The following FMN1 variants were observed in gnomAD, a reference collection of about 807,000 sequenced individuals.
FMN1 encodes formin 1.
A neutral mutation model predicts 132.4 loss-of-function variants in FMN1; 110 were observed. The observed-to-expected ratio is 0.83, with a 90% CI of 0.71 to 0.97. The LOEUF (loss-of-function observed/expected upper bound fraction) is 0.97. Ranked by LOEUF, FMN1 falls within the 50% of genes least tolerant of loss-of-function variation. FMN1 has a pLI of 0.00. For synonymous variants in FMN1, 722 were observed against 651.7 expected (o/e 1.11, Z -1.64); for missense variants, 1,792 against 1,705.3 (o/e 1.05, Z -0.90).
chr15:32,953,599 A>T (rs2061699153), intron 9 of FMN1, among the ~76,000 whole-genome samples: 1 of 152,200 alleles, frequency 6.6e-6, no homozygotes. Context: ...GTGTGGCCAT[A>T]GCACTGGGGT....
intron 4 of FMN1, among the ~76,000 whole-genome samples, chr15:33,145,531 G>C (rs1429844073): frequency 6.6e-6 from 1 of 151,664 alleles, no homozygotes; most frequent in Non-Finnish European, 1.5e-5. Flanking sequence ...CTCCAGGCAT[G>C]AATCCATGGG....
intron 7 of FMN1, among the ~76,000 whole-genome samples, chr15:32,994,315 T>C (rs1389648975): frequency 1.3e-5 from 2 of 151,948 alleles, no homozygotes. Flanking sequence ...GGTTGTAGTA[T>C]AAAAAGGTTG....
intron 13 of FMN1, chr15:32,900,364 G>C (rs1245811154): frequency 1.5e-6 from 1 of 659,414 alleles, no homozygotes; most frequent in Non-Finnish European, 2.8e-6. Flanking sequence ...TTTAATACAT[G>C]AGGATTAACT....
intron 19 of FMN1, among the ~76,000 whole-genome samples, chr15:32,797,239 T>C (rs1351181177): frequency 6.6e-6 from 1 of 152,226 alleles, no homozygotes; most frequent in Non-Finnish European, 1.5e-5. Flanking sequence ...ATTAATTGCC[T>C]TCTCTGTTGG....
At chr15:32,822,844 C>T (rs1034775384) in intron 17 of FMN1, among the ~76,000 whole-genome samples, 1 of 152,118 alleles carries the variant, frequency 6.6e-6, no homozygotes, top group African/African-American at 2.4e-5. Context: ...CACACATGTT[C>T]TGAATATCTG....
chr15:33,067,426 A>C (rs1184886168), intron 5 of FMN1: 2 of 1,613,902 alleles, frequency 1.2e-6, no homozygotes, highest in Non-Finnish European at 1.7e-6. Context: ...GCTCCTGGCC[A>C]CCATCATCAG....
intron 6 of FMN1, among the ~76,000 whole-genome samples, chr15:33,044,863 C>T (rs1226225506): frequency 6.6e-6 from 1 of 152,228 alleles, no homozygotes; most frequent in Non-Finnish European, 1.5e-5. Context: ...ACCTTGCTCC[C>T]CCCTCCACTT....
In FMN1 at chr15:33,167,797, T is replaced by C. The variant is rs1019949865; in HGVS notation, c.-132+12401A>G. ...AGAAAATCACAAGGAAGGGAAAACA[T>C]ATTTATTCTTTATTAAGTGGAAGTG... On this transcript the variant is annotated intron_variant, in intron 3 of 20. Transcript: ENST00000616417. Among the ~76,000 whole-genome samples the C allele has an allele frequency of 2.6e-5, 4 of 152,102 alleles. No homozygotes were observed. The East Asian group carries it at 5.8e-4, about 22-fold the overall frequency.
At chr15:33,008,112 A>G in intron 6 of FMN1, 37 bp from the exon 7 acceptor site, 1 of 1,531,818 alleles carries the variant, frequency 6.5e-7, no homozygotes, top group Non-Finnish European at 8.9e-7. Flanking sequence ...ATAAAGAAGT[A>G]CAAAATTAAG....
intron 9 of FMN1, among the ~76,000 whole-genome samples, chr15:32,941,463 T>A (rs1035839380): frequency 2.0e-5 from 3 of 152,334 alleles, no homozygotes; most frequent in African/African-American, 7.2e-5. Flanking sequence ...TTATAAAGGT[T>A]ACATTTAGAT....
At chr15:32,983,392 A>G (rs2032833492) in intron 7 of FMN1, among the ~76,000 whole-genome samples, 1 of 152,198 alleles carries the variant, frequency 6.6e-6, no homozygotes, top group African/African-American at 2.4e-5. Context: ...ACACAGGGAA[A>G]TTGTTTACGG....
In FMN1 at chr15:32,931,120, A is replaced by G. The variant is rs187018343; in HGVS notation, c.3139-4859T>C. On this transcript the variant is annotated intron_variant, in intron 9 of 20. Transcript: ENST00000616417. ...GCTTGGCAATTTGTTTTGAATTCAG[A>G]AAGTGTGAGTTCCCTAGATTTGTTC... Among the ~76,000 whole-genome samples, 10 of 152,272 alleles carry G rather than the reference A, an allele frequency of 6.6e-5. No homozygotes were observed. The East Asian group carries it at 1.5e-3, about 24-fold the overall frequency.
At chr15:33,171,204 G>A (rs1965309322) in intron 3 of FMN1, among the ~76,000 whole-genome samples, 1 of 152,184 alleles carries the variant, frequency 6.6e-6, no homozygotes, top group Non-Finnish European at 1.5e-5. Flanking sequence ...ATAGTTTCCA[G>A]AGACTGAGAA....
intron 17 of FMN1, chr15:32,837,440 CTT>C (rs1208869540): frequency 6.5e-6 from 1 of 152,772 alleles, no homozygotes; most frequent in Non-Finnish European, 1.5e-5. Flanking sequence ...CCCTCAGTCT[CTT>C]TATTATATGC....
At chr15:32,942,018 G>A (rs937813549) in intron 9 of FMN1, among the ~76,000 whole-genome samples, 1 of 152,162 alleles carries the variant, frequency 6.6e-6, no homozygotes, top group Non-Finnish European at 1.5e-5. Context: ...AGCTGACCTT[G>A]TGCAGGGGCA....
chr15:33,092,037 T>C (rs2038922169), intron 4 of FMN1, among the ~76,000 whole-genome samples: 1 of 152,176 alleles, frequency 6.6e-6, no homozygotes, highest in Non-Finnish European at 1.5e-5. Context: ...ATTTCAACAG[T>C]TTGATCGATC....
intron 5 of FMN1, among the ~76,000 whole-genome samples, chr15:33,081,798 G>A (rs896775773): frequency 6.6e-6 from 1 of 152,182 alleles, no homozygotes; most frequent in African/African-American, 2.4e-5. Context: ...CCTTTAGGAA[G>A]TGATCGGTAA....
intron 4 of FMN1, among the ~76,000 whole-genome samples, chr15:33,148,817 C>G (rs1195569052): frequency 6.6e-6 from 1 of 152,138 alleles, no homozygotes; most frequent in African/African-American, 2.4e-5. Flanking sequence ...ACCTCCTGGA[C>G]TAGTGCTTTT....
At chr15:32,888,508 C>T (rs1241462244) in intron 15 of FMN1, among the ~76,000 whole-genome samples, 4 of 152,128 alleles carry the variant, frequency 2.6e-5, no homozygotes, top group South Asian at 2.1e-4. Context: ...GCAATGAGGT[C>T]GGCTATGGCA....
Sources: allele counts gnomAD v4.1 joint callset (sites outside exome capture counted in the v4.1 genomes callset), GRCh38; gene constraint gnomAD v4.1.1; transcripts MANE v1.5; gene names NCBI Gene and HGNC (gene_info 2026-07-23, HGNC 2026-07-21).